FNBP4: variants seen among roughly 807,000 people sequenced by gnomAD.
FNBP4 encodes the protein formin-binding protein 4.
In FNBP4, 34 loss-of-function variants were observed where a neutral mutation model predicts 119.3. That is an observed-to-expected ratio of 0.28 (90% CI 0.22 to 0.38). The LOEUF is 0.38. FNBP4 is among the 10% of genes least tolerant of loss of function. The pLI, the probability that FNBP4 is intolerant of heterozygous loss-of-function variation, is 1.00. For synonymous variants in FNBP4, 462 were observed against 430.6 expected (o/e 1.07, Z -0.90); for missense variants, 1,112 against 1,228.9 (o/e 0.90, Z 1.42).
rs2097568833 is a variant in FNBP4 at position 47,732,687 on chromosome 11, A to G, written c.1687-17T>C. 3 of 1,611,940 alleles carry G rather than the reference A, an allele frequency of 1.9e-6. No individual in the cohort carries two copies. The African/African-American group carries it at 4.0e-5, about 22-fold the overall frequency. On this transcript the variant is annotated splice_polypyrimidine_tract_variant and intron_variant, in intron 10 of 16. Transcript: ENST00000263773. This position sits in a 1 kb window ranked among gnomAD's most constrained non-coding sequence, Gnocchi z 4.2. ...AATTCGAGTCTAGAATAAACAGACA[A>G]ATAAGTTAAAGACTTATTATTACAT... is the stretch of plus-strand genomic sequence containing the variant.
intron 4 of FNBP4, 173 bp downstream of exon 4, chr11:47,752,743 G>T: frequency 1.8e-6 from 1 of 555,290 alleles, no homozygotes; most frequent in Non-Finnish European, 3.2e-6. Context: ...GAACCCAGGA[G>T]GTGGAGGTTG....
At chr11:47,765,414 G>GAAAAGAA (rs773225084) in intron 1 of FNBP4, 52 bp from the exon 2 acceptor site, 5 of 1,276,610 alleles carry the variant, frequency 3.9e-6, no homozygotes, top group Admixed American at 4.2e-5. Flanking sequence ...GAAAAGAAAA[G>GAAAAGAA]AAAACTGCAG....
chr11:47,757,002 C>T (rs950066100), intron 2 of FNBP4, among the ~76,000 whole-genome samples: 5 of 152,154 alleles, frequency 3.3e-5, no homozygotes, highest in African/African-American at 1.2e-4. Flanking sequence ...CTGCAGTAAA[C>T]ATAACGTGTG....
intron 8 of FNBP4, among the ~76,000 whole-genome samples, chr11:47,742,679 G>A (rs1339208955): frequency 6.6e-6 from 1 of 151,662 alleles, no homozygotes; most frequent in Non-Finnish European, 1.5e-5. Context: ...CCTGAGGTCA[G>A]GAGTTCGAGA....
rs778549283 is a variant in FNBP4 at position 47,736,630 on chromosome 11, C to G, written c.1567G>C (p.Glu523Gln). Residue 523 changes from glutamate to glutamine, a missense_variant, in exon 9 of 17, where the codon GAA becomes CAA. Glu to Gln is a conservative substitution (Grantham distance 29, BLOSUM62 2). This residue lies in a region of FNBP4 where 826 missense variants were observed against 988.8 expected (regional missense o/e 0.84). Coordinates refer to ENST00000263773, the MANE Select transcript of FNBP4 (RefSeq NM_015308.5). ...AATATACATACTTTCAAATCCTGTT[C>G]TTCTTCTACTTTTGGTGTTGTCTGT... ...KVQTTPKVEE[E>Q]QDLKFQIGEL... 6.3e-6 allele frequency: 10 copies of G among 1,594,166 alleles called. No individual in the cohort carries two copies. The South Asian group carries it at 8.9e-5, about 14-fold the overall frequency.
chr11:47,731,615 A>C, intron 11 of FNBP4, 54 bp from the exon 12 acceptor site: 2 of 1,554,512 alleles, frequency 1.3e-6, no homozygotes, highest in Non-Finnish European at 8.7e-7. Context: ...CTACAAAGAC[A>C]CTTCCATTTG....
Position 47,750,982 on chromosome 11 carries a change from C to A in FNBP4, c.840G>T (p.Lys280Asn). ...SFVVNTDIYS[K>N]EKTISVSSSK... ...TACTGGAAACAGAAATCGTTTTCTC[C>A]TTAGAATATATGTCTGTATTTACCA... The change falls in exon 6 of 17, where the codon AAG becomes AAT. Residue 280 changes from lysine (K) to asparagine (N), a missense_variant. By Grantham distance (94) the Lys-to-Asn change is moderately conservative (BLOSUM62 0). This residue lies in a region of FNBP4 where 826 missense variants were observed against 988.8 expected (regional missense o/e 0.84). Transcript: ENST00000263773. 1 of 1,613,980 alleles carries A rather than the reference C, an allele frequency of 6.2e-7. No individual in the cohort carries two copies. The highest frequency in any genetic ancestry group is 1.1e-5 in the South Asian group (1 of 91,076).
chr11:47,719,254 A>G (rs753925999), intron 16 of FNBP4, among the ~76,000 whole-genome samples: 22 of 152,216 alleles, frequency 1.4e-4, no homozygotes, highest in Non-Finnish European at 2.9e-4. Flanking sequence ...TGTATTCCCA[A>G]CACTCTGGGA....
chr11:47,724,963 A>G (rs2097559444), intron 12 of FNBP4, 185 bp from the exon 13 acceptor site: 1 of 706,944 alleles, frequency 1.4e-6, no homozygotes, highest in Non-Finnish European at 2.2e-6. Flanking sequence ...TTTGGCCCAC[A>G]GGCATCTATT....
chr11:47,755,014 G>A (rs942834076), intron 2 of FNBP4, among the ~76,000 whole-genome samples: 14 of 151,746 alleles, frequency 9.2e-5, no homozygotes, highest in Non-Finnish European at 1.0e-4. Flanking sequence ...CTGGTAGCAC[G>A]TGCCTGTAGT....
chr11:47,765,056 C>T (rs1022670653), intron 2 of FNBP4, among the ~76,000 whole-genome samples: 2 of 151,926 alleles, frequency 1.3e-5, no homozygotes, highest in Non-Finnish European at 2.9e-5. Context: ...CAGTAAAAAA[C>T]GTTTTGGGTA....
At chr11:47,748,132 G>C (rs1043705319) in intron 6 of FNBP4, among the ~76,000 whole-genome samples, 1 of 151,932 alleles carries the variant, frequency 6.6e-6, no homozygotes, top group Non-Finnish European at 1.5e-5. Context: ...CCAGCTACTC[G>C]GGAGGCTGAG....
At chr11:47,746,546 G>A (rs1464264136) in intron 6 of FNBP4, 152 bp from the exon 7 acceptor site, 67 of 669,822 alleles carry the variant, frequency 1.0e-4, no homozygotes, top group Middle Eastern at 4.2e-4. Context: ...ATGGAGTCTC[G>A]CACTGTCACC....
intron 8 of FNBP4, among the ~76,000 whole-genome samples, chr11:47,740,756 A>T (rs975755967): frequency 6.6e-6 from 1 of 151,388 alleles, no homozygotes; most frequent in African/African-American, 2.4e-5. Context: ...CCAGGTGCAG[A>T]TAATTTTGTA....
intron 11 of FNBP4, chr11:47,731,926 C>T (rs560572443): frequency 2.0e-6 from 2 of 1,005,290 alleles, no homozygotes; most frequent in South Asian, 4.6e-5. Context: ...AAGAGAACAA[C>T]GAAGTTTGTG....
intron 2 of FNBP4, among the ~76,000 whole-genome samples, chr11:47,762,959 C>T (rs1368793034): frequency 6.8e-6 from 1 of 147,736 alleles, no homozygotes; most frequent in Non-Finnish European, 1.5e-5. Flanking sequence ...TGCTCTTGAA[C>T]TCTAGGATTC....
intron 9 of FNBP4, among the ~76,000 whole-genome samples, chr11:47,735,705 C>T (rs970378975): frequency 6.6e-6 from 1 of 152,050 alleles, no homozygotes; most frequent in African/African-American, 2.4e-5. Flanking sequence ...TTTCACCTAA[C>T]CAAGTAAACA....
At position 47,717,399 on chromosome 11, in the gene FNBP4, A is replaced by G; in HGVS notation, c.*23T>C. The G allele has an allele frequency of 6.5e-7, 1 of 1,538,068 alleles. No individual in the cohort carries two copies. Among genetic ancestry groups the G allele is most frequent in the African/African-American group, 1.4e-5 (1 of 73,388 alleles). ...TGAACACAAAACAAACAATAATACA[A>G]AAAAGTTTTAAAAACTTAAAAACTA... On this transcript the variant is annotated 3_prime_UTR_variant, in exon 17 of 17. Transcript: ENST00000263773.
intron 7 of FNBP4, among the ~76,000 whole-genome samples, chr11:47,744,466 T>C (rs994483170): frequency 1.3e-5 from 2 of 152,144 alleles, no homozygotes; most frequent in Admixed American, 1.3e-4. Flanking sequence ...TATCTGGGTA[T>C]GTTGCTCACA....
Sources: allele counts gnomAD v4.1 joint callset (sites outside exome capture counted in the v4.1 genomes callset), GRCh38; gene constraint gnomAD v4.1.1; regional missense constraint gnomAD v4.1.1; non-coding constraint Gnocchi (gnomAD v3.1); transcripts MANE v1.5; gene names NCBI Gene and HGNC (gene_info 2026-07-23, HGNC 2026-07-21).